Variants in HIF3A observed in about 807,000 individuals in gnomAD.
HIF3A encodes the protein hypoxia-inducible factor 3-alpha.
In HIF3A, 41 loss-of-function variants were observed where a neutral mutation model predicts 67.2. That is an observed-to-expected ratio of 0.61 (90% CI 0.48 to 0.79). The LOEUF (loss-of-function observed/expected upper bound fraction) is 0.79, where lower values mean the gene tolerates loss of function less well. Ranked by LOEUF, HIF3A falls within the 30% of genes least tolerant of loss-of-function variation. The pLI, the probability that HIF3A is intolerant of heterozygous loss-of-function variation, is 0.00. For missense variants in HIF3A, 855 were observed against 898.0 expected (o/e 0.95, Z 0.61); for synonymous variants, 356 against 374.8 (o/e 0.95, Z 0.58).
intron 1 of HIF3A, among the ~76,000 whole-genome samples, chr19:46,301,227 T>C (rs1968303349): frequency 6.6e-6 from 1 of 152,080 alleles, no homozygotes. Flanking sequence ...ATTTTCCTTC[T>C]GTCTCCAGAC....
At chr19:46,336,479 C>T (rs1414504170) in intron 14 of HIF3A, among the ~76,000 whole-genome samples, 1 of 152,006 alleles carries the variant, frequency 6.6e-6, no homozygotes, top group African/African-American at 2.4e-5. Flanking sequence ...GCGATCCTCC[C>T]ACCTCAGCCT....
At chr19:46,326,492 AT>A (rs1408433981) in intron 11 of HIF3A, among the ~76,000 whole-genome samples, 1 of 152,120 alleles carries the variant, frequency 6.6e-6, no homozygotes, top group Non-Finnish European at 1.5e-5. Flanking sequence ...GGCAGGGATC[AT>A]TGGGAACTTC....
At chr19:46,338,208 TTTG>T (rs1380921727) in intron 14 of HIF3A, 1 of 454,078 alleles carries the variant, frequency 2.2e-6, no homozygotes, top group Admixed American at 2.3e-5. Flanking sequence ...TGTTGGGTTT[TTTG>T]TTGTTTTTGA....
intron 8 of HIF3A, among the ~76,000 whole-genome samples, chr19:46,313,966 T>C (rs1043806472): frequency 6.6e-6 from 1 of 151,866 alleles, no homozygotes; most frequent in Admixed American, 6.6e-5. Context: ...CCGGCCCATG[T>C]TGTGGTTTAT....
chr19:46,304,173 G>T (rs1283804925), intron 2 of HIF3A, 85 bp downstream of exon 2: 2 of 1,276,186 alleles, frequency 1.6e-6, no homozygotes, highest in Non-Finnish European at 2.2e-6. Flanking sequence ...CCTCCTCCGG[G>T]AAGCCTTATT....
At chr19:46,318,161 C>T (rs926208397) in intron 8 of HIF3A, among the ~76,000 whole-genome samples, 2 of 151,944 alleles carry the variant, frequency 1.3e-5, no homozygotes, top group African/African-American at 4.8e-5. Flanking sequence ...ACTATCTAAC[C>T]CAACGTTGTC....
rs78924893 is a variant in HIF3A at position 46,297,759 on chromosome 19, A to C, written c.26+657A>C. ...CTTTTTGTATCCTTTCAAAAGCCAG[A>C]GTCACCCCCTTAAATAACAGGGAAA... On this transcript the variant is annotated intron_variant, in intron 1 of 14. Coordinates refer to ENST00000377670, the MANE Select transcript of HIF3A (RefSeq NM_152795.4). This position sits in a 1 kb window ranked among gnomAD's most constrained non-coding sequence, Gnocchi z 4.5. Among the ~76,000 whole-genome samples the C allele has an allele frequency of 2.2e-3, 331 of 152,188 alleles. No homozygotes were observed. Among genetic ancestry groups the C allele is most frequent in the African/African-American group, 7.9e-3 (327 of 41,516 alleles).
chr19:46,338,941 G>A (rs936040285), intron 14 of HIF3A, among the ~76,000 whole-genome samples: 1 of 151,784 alleles, frequency 6.6e-6, no homozygotes, highest in African/African-American at 2.4e-5. Context: ...AAGGGGAGAC[G>A]GGTTGGTGTG....
Position 46,308,224 on chromosome 19 carries a change from G to C in HIF3A, c.367G>C (p.Glu123Gln). 6.2e-7 allele frequency: 1 copy of C among 1,613,348 alleles called. No homozygotes were observed. The highest frequency in any genetic ancestry group is 8.5e-7 in the Non-Finnish European group (1 of 1,179,366). ...CCACCCCTCTCATCCCTGGCAGCTGGAGCTCATTGGACACAGCATCTTTGA... is the reference window on the plus strand; with the variant it reads ...CCACCCCTCTCATCCCTGGCAGCTGCAGCTCATTGGACACAGCATCTTTGA... ...VSKHLGLSQL[E>Q]LIGHSIFDFI... Residue 123 changes from glutamate to glutamine, a missense_variant, in exon 4 of 15, where the codon GAG becomes CAG. Physicochemically the swap from Glu to Gln is conservative, Grantham distance 29. This residue lies in a region of HIF3A where 638 missense variants were observed against 660.5 expected (regional missense o/e 0.97). Coordinates refer to ENST00000377670, the MANE Select transcript of HIF3A (RefSeq NM_152795.4).
At chr19:46,313,754 C>T (rs1969682583) in intron 8 of HIF3A, among the ~76,000 whole-genome samples, 1 of 150,962 alleles carries the variant, frequency 6.6e-6, no homozygotes, top group African/African-American at 2.4e-5. Context: ...CAACCTCTGC[C>T]TCCCAGGTTC....
chr19:46,305,806 G>A (rs1968795418), intron 3 of HIF3A, among the ~76,000 whole-genome samples: 1 of 152,244 alleles, frequency 6.6e-6, no homozygotes, highest in Admixed American at 6.5e-5. Flanking sequence ...GCCACGTGCA[G>A]TGGCTCACAC....
At chr19:46,330,047 A>AGGAGGGAG (rs567991794) in intron 12 of HIF3A, among the ~76,000 whole-genome samples, 2 of 136,290 alleles carry the variant, frequency 1.5e-5, no homozygotes, top group African/African-American at 5.3e-5. Flanking sequence ...AAGGAAGGGA[A>AGGAGGGAG]GGAGGGAGGG....
At chr19:46,301,957 C>T (rs1461017794) in intron 1 of HIF3A, among the ~76,000 whole-genome samples, 1 of 151,788 alleles carries the variant, frequency 6.6e-6, no homozygotes, top group Non-Finnish European at 1.5e-5. Context: ...AAATGCTTAG[C>T]AAATGACAGC....
chr19:46,331,040 C>A (rs1971174303), intron 12 of HIF3A, 116 bp from the exon 13 acceptor site: 5 of 682,974 alleles, frequency 7.3e-6, no homozygotes, highest in Non-Finnish European at 1.2e-5. Flanking sequence ...GGGTGTATGA[C>A]TAAAGGAATA....
intron 13 of HIF3A, 80 bp downstream of exon 13, chr19:46,331,353 A>G (rs777236955): frequency 3.6e-6 from 4 of 1,120,216 alleles, no homozygotes; most frequent in Non-Finnish European, 5.4e-6. Context: ...ATAGGAAACC[A>G]GAGAGGGGCA....
intron 14 of HIF3A, among the ~76,000 whole-genome samples, chr19:46,336,859 C>T (rs1042730404): frequency 2.8e-4 from 42 of 152,202 alleles, no homozygotes; most frequent in Non-Finnish European, 5.1e-4. Flanking sequence ...CACTGGCAGG[C>T]GCCTGTAATC....
rs373773234 is a variant in HIF3A at position 46,304,899 on chromosome 19, C to T, written c.218-346C>T. On this transcript the variant is annotated intron_variant, in intron 2 of 14. Coordinates refer to ENST00000377670, the MANE Select transcript of HIF3A (RefSeq NM_152795.4). ...CCCCCTCATCTCTATATTACAATTCCCCTTAGGCCCTGGCCCCTTCATATT... is the reference window on the plus strand; with the variant it reads ...CCCCCTCATCTCTATATTACAATTCTCCTTAGGCCCTGGCCCCTTCATATT... 7.3e-4 allele frequency: 277 copies of T among 380,320 alleles called. 1 individual carries two copies. Among genetic ancestry groups the T allele is most frequent in the African/African-American group, 5.3e-3 (256 of 48,086 alleles). The allele number at this position is 380,320 out of a possible 1,614,324, so 23.6% of individuals were successfully genotyped here.
chr19:46,317,188 T>C (rs1325866331), intron 8 of HIF3A, among the ~76,000 whole-genome samples: 1 of 152,102 alleles, frequency 6.6e-6, no homozygotes, highest in African/African-American at 2.4e-5. Flanking sequence ...CCCAAAATGC[T>C]GGGATTACAG....
Position 46,337,261 on chromosome 19 carries a change from T to C in HIF3A, c.1913-2264T>C, listed in dbSNP as rs114456267. 2.4e-3 allele frequency among the ~76,000 whole-genome samples: 361 copies of C among 151,688 alleles called. 3 individuals carry two copies. The highest frequency in any genetic ancestry group is 8.3e-3 in the African/African-American group (343 of 41,378). ...GACTGTATCTATCTTTTTTGGGGTG[T>C]GGGGGGACAGGGTGTGTCTTGCTCT... On this transcript the variant is annotated intron_variant, in intron 14 of 14. Coordinates refer to ENST00000377670, the MANE Select transcript of HIF3A (RefSeq NM_152795.4).
Sources: allele counts gnomAD v4.1 joint callset (sites outside exome capture counted in the v4.1 genomes callset), GRCh38; gene constraint gnomAD v4.1.1; regional missense constraint gnomAD v4.1.1; non-coding constraint Gnocchi (gnomAD v3.1); transcripts MANE v1.5; gene names NCBI Gene and HGNC (gene_info 2026-07-23, HGNC 2026-07-21).